Variants in LINGO2 observed in about 807,000 individuals in gnomAD.
LINGO2 encodes leucine rich repeat and Ig domain containing 2, also known as leucine-rich repeat and immunoglobulin-like domain-containing nogo receptor-interacting protein 2.
LINGO2 carries 14 observed loss-of-function variants against 30.6 expected under a neutral mutation model. That is an observed-to-expected ratio of 0.46 (90% CI 0.30 to 0.72). The LOEUF is 0.72. LINGO2 is among the 30% of genes least tolerant of loss of function. LINGO2 has a pLI of 0.07. For missense variants in LINGO2, 729 were observed against 751.7 expected, an observed-to-expected ratio of 0.97 and a Z score of 0.35; for synonymous variants, 317 against 288.5, an observed-to-expected ratio of 1.10 and a Z score of -1.00.
At chr9:29,099,339 G>A in the LINGO2 span, among the ~76,000 whole-genome samples, 5 of 151,998 alleles carry the variant, frequency 3.3e-5, no homozygotes, top group African/African-American at 1.2e-4. Context: ...CTTCTTGAGC[G>A]ACATCCCACA....
At chr9:29,075,751 G>A in the LINGO2 span, among the ~76,000 whole-genome samples, 3 of 152,056 alleles carry the variant, frequency 2.0e-5, no homozygotes, top group Non-Finnish European at 1.5e-5. Context: ...GTTAGCAAAG[G>A]CTAGCAGAAA....
At chr9:29,155,556 CTTT>C in the LINGO2 span, among the ~76,000 whole-genome samples, 15 of 139,672 alleles carry the variant, frequency 1.1e-4, no homozygotes, top group Middle Eastern at 3.8e-3. Context: ...GAGGGTTTTC[CTTT>C]TTTTTTTTTT....
intron 3 of LINGO2, among the ~76,000 whole-genome samples, chr9:28,354,390 A>G (rs1312202643): frequency 6.6e-6 from 1 of 152,172 alleles, no homozygotes; most frequent in East Asian, 1.9e-4. Flanking sequence ...GCTAATAAAA[A>G]CTTCACAAAA....
At chr9:28,430,739 A>G (rs1216807658) in intron 2 of LINGO2, among the ~76,000 whole-genome samples, 3 of 152,050 alleles carry the variant, frequency 2.0e-5, no homozygotes, top group Non-Finnish European at 2.9e-5. Context: ...TAAAACAACA[A>G]ATGCTTACTT....
At chr9:28,098,574 T>C (rs1317883285) in intron 4 of LINGO2, among the ~76,000 whole-genome samples, 1 of 152,268 alleles carries the variant, frequency 6.6e-6, no homozygotes, top group South Asian at 2.1e-4. Context: ...GGATCTTTCT[T>C]TTTTCGTCTA....
At chr9:29,212,212 T>G in the LINGO2 span, among the ~76,000 whole-genome samples, 1 of 151,848 alleles carries the variant, frequency 6.6e-6, no homozygotes, top group Admixed American at 6.6e-5. Flanking sequence ...GGTGCGGAGC[T>G]CGGAAGCGCG....
At chr9:28,609,808 A>C (rs957673838) in intron 1 of LINGO2, among the ~76,000 whole-genome samples, 2 of 152,102 alleles carry the variant, frequency 1.3e-5, no homozygotes, top group African/African-American at 2.4e-5. Flanking sequence ...GGCGTACCTT[A>C]AATTAGCGAA....
chr9:27,990,465 C>CG (rs72338075), intron 5 of LINGO2, among the ~76,000 whole-genome samples: 6 of 116,082 alleles, frequency 5.2e-5, no homozygotes, highest in South Asian at 3.6e-4. Context: ...TCTCAATACC[C>CG]CCCCCCCTTT....
chr9:28,868,940 T>C, the LINGO2 span, among the ~76,000 whole-genome samples: 6,131 of 152,182 alleles, frequency 0.04, 405 homozygotes, highest in African/African-American at 0.13. Context: ...TTTACTGATA[T>C]ATTTGATGGA....
chr9:28,149,554 C>T (rs377463826), intron 4 of LINGO2, among the ~76,000 whole-genome samples: 21 of 144,400 alleles, frequency 1.5e-4, no homozygotes, highest in Middle Eastern at 4.7e-3. Flanking sequence ...GGCCCTGCCC[C>T]GTCTGGGCAG....
At chr9:28,863,573 C>T in the LINGO2 span, 1 of 512,054 alleles carries the variant, frequency 2.0e-6, no homozygotes, top group Non-Finnish European at 4.0e-6. Context: ...TTCTCAATGG[C>T]TCAGTAAAGG....
At chr9:28,881,635 T>C in the LINGO2 span, among the ~76,000 whole-genome samples, 1 of 152,246 alleles carries the variant, frequency 6.6e-6, no homozygotes, top group East Asian at 1.9e-4. Flanking sequence ...GGTTTCATTG[T>C]TTTTTTCCAA....
At chr9:28,196,366 A>T (rs1225630396) in intron 4 of LINGO2, among the ~76,000 whole-genome samples, 1 of 151,862 alleles carries the variant, frequency 6.6e-6, no homozygotes, top group Non-Finnish European at 1.5e-5. Context: ...CCAGAAAATC[A>T]ATTAAAACTG....
At position 28,513,855 on chromosome 9, in the gene LINGO2, T is replaced by A. The variant is rs552230632; in HGVS notation, c.-364-37830A>T. On this transcript the variant is annotated intron_variant, in intron 1 of 5. Transcript: ENST00000379992. ...GTATGTATAGTAAAATTGATAGAGGTACATATCTTTTTATTGTGCTTTGCA... is the reference window on the plus strand; with the variant it reads ...GTATGTATAGTAAAATTGATAGAGGAACATATCTTTTTATTGTGCTTTGCA... Among the ~76,000 whole-genome samples, 3 of 152,332 alleles carry A rather than the reference T, an allele frequency of 2.0e-5. No individual in the cohort carries two copies. The South Asian group carries it at 6.2e-4, about 32-fold the overall frequency.
Position 28,048,968 on chromosome 9 carries a change from A to G in LINGO2, c.-86-36563T>C, listed in dbSNP as rs998385524. On this transcript the variant is annotated intron_variant, in intron 4 of 5. Coordinates refer to ENST00000379992, the Ensembl canonical transcript of LINGO2. ...CATGTATGTGAAATATAAAAGGCAAAAAGTACTAATAGCAGTATTAGAATT... is the reference window on the plus strand; with the variant it reads ...CATGTATGTGAAATATAAAAGGCAAGAAGTACTAATAGCAGTATTAGAATT... 5.3e-5 allele frequency among the ~76,000 whole-genome samples: 8 copies of G among 151,040 alleles called. 1 individual carries two copies. The highest frequency in any genetic ancestry group is 1.5e-4 in the African/African-American group (6 of 40,870).
At chr9:28,258,435 T>C (rs916999980) in intron 4 of LINGO2, among the ~76,000 whole-genome samples, 5 of 151,908 alleles carry the variant, frequency 3.3e-5, no homozygotes, top group African/African-American at 1.2e-4. Flanking sequence ...ATGCACTTAA[T>C]TGTCAATATA....
chr9:28,863,047 T>G, the LINGO2 span, among the ~76,000 whole-genome samples: 1 of 152,040 alleles, frequency 6.6e-6, no homozygotes, highest in Non-Finnish European at 1.5e-5. Flanking sequence ...TAAATGAAAA[T>G]GAATGCCCAG....
At chr9:28,043,892 C>T (rs1824303025) in intron 4 of LINGO2, among the ~76,000 whole-genome samples, 1 of 152,094 alleles carries the variant, frequency 6.6e-6, no homozygotes, top group South Asian at 2.1e-4. Context: ...GTTCAATTTC[C>T]CTGACATTTT....
chr9:28,461,442 G>A (rs1032564690), intron 2 of LINGO2, among the ~76,000 whole-genome samples: 2 of 152,086 alleles, frequency 1.3e-5, no homozygotes, highest in East Asian at 3.8e-4. Flanking sequence ...AACACATTTT[G>A]TATCAAACAA....
Sources: allele counts gnomAD v4.1 joint callset (sites outside exome capture counted in the v4.1 genomes callset), GRCh38; gene constraint gnomAD v4.1.1; transcripts MANE v1.5; gene names NCBI Gene and HGNC (gene_info 2026-07-23, HGNC 2026-07-21).